Variants in SLC6A4 observed in about 807,000 individuals in gnomAD.
The protein encoded by SLC6A4 is sodium-dependent serotonin transporter.
Under a neutral mutation model 73.4 loss-of-function variants are expected in SLC6A4, and 22 were observed. The ratio of observed to expected loss-of-function variants is 0.30; its 90% CI spans 0.21 to 0.43. SLC6A4 has a LOEUF of 0.43. Ranked by LOEUF, SLC6A4 falls within the 20% of genes least tolerant of loss-of-function variation. The pLI is 1.00. For synonymous variants in SLC6A4, 270 were observed against 315.5 expected, an observed-to-expected ratio of 0.86 and a Z score of 1.53; for missense variants, 593 against 808.5, an observed-to-expected ratio of 0.73 and a Z score of 3.23.
intron 1 of SLC6A4, among the ~76,000 whole-genome samples, chr17:30,224,698 G>C (rs1906878377): frequency 6.6e-6 from 1 of 152,228 alleles, no homozygotes; most frequent in African/African-American, 2.4e-5. Context: ...AGAGGAAATA[G>C]ACATTTAGCA....
chr17:30,203,129 T>C (rs1815630901), intron 14 of SLC6A4, 43 bp downstream of exon 14: 2 of 1,477,538 alleles, frequency 1.4e-6, no homozygotes, highest in South Asian at 1.2e-5. Flanking sequence ...CCAAAACAAT[T>C]AGTAGTCTGA....
In SLC6A4 at chr17:30,218,349, G is replaced by A. The variant is rs1906645004; in HGVS notation, c.479-12C>T. ...GGCATAACCAATCCCTGGGCAGTGG[G>A]TGAGATGGAGAGACAGAGGCCGAGT... On this transcript the variant is annotated splice_polypyrimidine_tract_variant and intron_variant, in intron 4 of 14. Coordinates refer to ENST00000650711, the MANE Select transcript of SLC6A4 (RefSeq NM_001045.6). 1 of 1,605,014 alleles carries A rather than the reference G, an allele frequency of 6.2e-7. No individual in the cohort carries two copies. The highest frequency in any genetic ancestry group is 8.5e-7 in the Non-Finnish European group (1 of 1,172,498).
chr17:30,225,141 G>T (rs1468806819), intron 1 of SLC6A4, among the ~76,000 whole-genome samples: 1 of 151,992 alleles, frequency 6.6e-6, no homozygotes, highest in African/African-American at 2.4e-5. Context: ...GTGCTTTCTG[G>T]GGTTCTCCTA....
intron 8 of SLC6A4, 32 bp downstream of exon 8, chr17:30,215,579 T>C (rs761324805): frequency 6.4e-7 from 1 of 1,559,778 alleles, no homozygotes; most frequent in Non-Finnish European, 8.8e-7. Context: ...CACGCCACTT[T>C]CAAGCTTTGC....
intron 1 of SLC6A4, among the ~76,000 whole-genome samples, chr17:30,229,501 G>T (rs1907022547): frequency 6.6e-6 from 1 of 152,082 alleles, no homozygotes; most frequent in South Asian, 2.1e-4. Context: ...GAAGAACAAG[G>T]AGCAGGGAGA....
chr17:30,235,401 C>A lies in SLC6A4; in HGVS notation c.-221+212G>T, dbSNP rs1040082168. Among the ~76,000 whole-genome samples, 1 of 152,192 alleles carries A rather than the reference C, an allele frequency of 6.6e-6. No homozygotes were observed. The highest frequency in any genetic ancestry group is 1.5e-5 in the Non-Finnish European group (1 of 68,030). On this transcript the variant is annotated intron_variant, in intron 1 of 14. Transcript: ENST00000650711. This position sits in a 1 kb window ranked among gnomAD's most constrained non-coding sequence, Gnocchi z 4.5. ...CCCACTTCGAGCACTCCACGTTCCT[C>A]GTCTCCCACTCTGGCCGGTCAGCTT... is the stretch of plus-strand genomic sequence containing the variant.
At chr17:30,229,058 T>C (rs1308588198) in intron 1 of SLC6A4, among the ~76,000 whole-genome samples, 2 of 152,198 alleles carry the variant, frequency 1.3e-5, no homozygotes, top group Non-Finnish European at 2.9e-5. Context: ...GGTTCTATTC[T>C]AAGGGGCCCT....
intron 12 of SLC6A4, 152 bp downstream of exon 12, chr17:30,208,991 C>A (rs1273169074): frequency 4.1e-6 from 2 of 488,412 alleles, no homozygotes; most frequent in Non-Finnish European, 7.3e-6. Context: ...CGTGAGCCAC[C>A]GCGCCTGGCC....
At position 30,197,385 on chromosome 17, in the gene SLC6A4, C is replaced by G. The variant is rs1597629967; in HGVS notation, c.*1071G>C. ...GGTTAGGGTGCCAGATCTGTATAAC[C>G]CAGTGCTAAACGAGAATCCGATTTA... On this transcript the variant is annotated 3_prime_UTR_variant, in exon 15 of 15. Coordinates refer to ENST00000650711, the MANE Select transcript of SLC6A4 (RefSeq NM_001045.6). The G allele has an allele frequency of 1.3e-5, 2 of 152,338 alleles. No homozygotes were observed. The highest frequency in any genetic ancestry group is 2.9e-5 in the Non-Finnish European group (2 of 68,058). 9.4% of individuals were successfully genotyped at this position (152,338 alleles called of 1,614,324 possible).
rs1242479393 is a variant in SLC6A4 at position 30,197,330 on chromosome 17, C to T, written c.*1126G>A. On this transcript the variant is annotated 3_prime_UTR_variant, in exon 15 of 15. Coordinates refer to ENST00000650711, the MANE Select transcript of SLC6A4 (RefSeq NM_001045.6). ...CGTAAGGCTAACCCAGACTCTCCAA[C>T]TGCTCTTGGAGTGAAGATGCCTTGG... is the stretch of plus-strand genomic sequence containing the variant. The T allele has an allele frequency of 6.6e-6, 1 of 152,396 alleles. No homozygotes were observed. Among genetic ancestry groups the T allele is most frequent in the African/African-American group, 2.4e-5 (1 of 41,460 alleles). 9.4% of individuals were successfully genotyped at this position (152,396 alleles called of 1,614,324 possible). A position where few individuals can be genotyped will look rare whatever the true frequency, so the allele number is the denominator to read the frequency against.
intron 14 of SLC6A4, among the ~76,000 whole-genome samples, chr17:30,199,702 A>C (rs983126153): frequency 2.6e-5 from 4 of 152,156 alleles, no homozygotes; most frequent in Admixed American, 2.6e-4. Context: ...AATCCGTTTA[A>C]AAAGGAGTCA....
intron 13 of SLC6A4, among the ~76,000 whole-genome samples, chr17:30,206,998 A>T (rs1328793278): frequency 6.6e-6 from 1 of 152,134 alleles, no homozygotes; most frequent in Admixed American, 6.5e-5. Flanking sequence ...GAGCCACTGC[A>T]CCCAGCCTCA....
intron 13 of SLC6A4, among the ~76,000 whole-genome samples, chr17:30,207,341 C>T (rs1222833106): frequency 1.3e-5 from 2 of 152,194 alleles, no homozygotes; most frequent in Non-Finnish European, 2.9e-5. Context: ...GAGATGTACA[C>T]TTACGAGCTG....
chr17:30,210,488 C>A, intron 11 of SLC6A4, 27 bp downstream of exon 11: 1 of 1,607,482 alleles, frequency 6.2e-7, no homozygotes, highest in Non-Finnish European at 8.5e-7. Context: ...GGGAGGCCAA[C>A]TCAAAGCTGA....
intron 8 of SLC6A4, among the ~76,000 whole-genome samples, chr17:30,214,720 C>T (rs529803580): frequency 1.3e-5 from 2 of 150,662 alleles, no homozygotes; most frequent in South Asian, 4.2e-4. Flanking sequence ...GCAAACTCCA[C>T]CTCCTGGGTT....
In SLC6A4 at chr17:30,207,841, G is replaced by C; in HGVS notation, c.1550-9C>G. 1 of 1,606,202 alleles carries C rather than the reference G, an allele frequency of 6.2e-7. No individual in the cohort carries two copies. Among genetic ancestry groups the C allele is most frequent in the Non-Finnish European group, 8.5e-7 (1 of 1,173,156 alleles). ...GCAGAACTGAGTGATGCCTGGAACC[G>C]CCCAAGGGGAAGAGAGGCAGAGACT... On this transcript the variant is annotated splice_polypyrimidine_tract_variant and intron_variant, in intron 12 of 14. Transcript: ENST00000650711.
intron 7 of SLC6A4, 63 bp downstream of exon 7, chr17:30,216,019 A>T (rs946224633): frequency 4.8e-6 from 7 of 1,468,712 alleles, no homozygotes; most frequent in Non-Finnish European, 6.6e-6. Flanking sequence ...TCCTATTTGG[A>T]GGAGGACCAG....
At chr17:30,206,241 C>CAAAAAAAAAAAAAAAAAAAA (rs5819882) in intron 13 of SLC6A4, 1 of 106,564 alleles carries the variant, frequency 9.4e-6, no homozygotes, top group Non-Finnish European at 2.0e-5. Flanking sequence ...CTCTAAAAGA[C>CAAAAAAAAAAAAAAAAAAAA]AAAAAAAAAA....
At chr17:30,227,025 T>C (rs1028521957) in intron 1 of SLC6A4, among the ~76,000 whole-genome samples, 1 of 152,204 alleles carries the variant, frequency 6.6e-6, no homozygotes, top group Admixed American at 6.5e-5. Context: ...ACACATCCCG[T>C]GGTGAACAGA....
Sources: allele counts gnomAD v4.1 joint callset (sites outside exome capture counted in the v4.1 genomes callset), GRCh38; gene constraint gnomAD v4.1.1; non-coding constraint Gnocchi (gnomAD v3.1); transcripts MANE v1.5; gene names NCBI Gene and HGNC (gene_info 2026-07-23, HGNC 2026-07-21).